Variants in RBFOX1 observed in about 807,000 individuals in gnomAD.
RBFOX1 encodes the protein RNA binding fox-1 homolog 1.
A neutral mutation model predicts 57.7 loss-of-function variants in RBFOX1; 8 were observed. The ratio of observed to expected loss-of-function variants is 0.14; its 90% CI spans 0.08 to 0.25. RBFOX1 has a LOEUF of 0.25. Ranked by LOEUF, RBFOX1 falls within the 10% of genes least tolerant of loss-of-function variation. The pLI is 1.00. For missense variants in RBFOX1, 611 were observed against 548.5 expected, an observed-to-expected ratio of 1.11 and a Z score of -1.14; for synonymous variants, 326 against 222.4, an observed-to-expected ratio of 1.47 and a Z score of -4.15.
At chr16:6,067,326 C>T (rs960981670) in intron 1 of RBFOX1, among the ~76,000 whole-genome samples, 4 of 151,760 alleles carry the variant, frequency 2.6e-5, no homozygotes, top group Admixed American at 6.6e-5. Flanking sequence ...ACATTCTGTG[C>T]CCGATATAGC....
chr16:7,268,692 A>G (rs985390405), intron 4 of RBFOX1, among the ~76,000 whole-genome samples: 1 of 152,258 alleles, frequency 6.6e-6, no homozygotes, highest in East Asian at 1.9e-4. Flanking sequence ...TTTGGAAATT[A>G]GTACTAGAGC....
chr16:6,931,991 A>T (rs2076638004), intron 3 of RBFOX1, among the ~76,000 whole-genome samples: 1 of 151,788 alleles, frequency 6.6e-6, no homozygotes, highest in African/African-American at 2.4e-5. Context: ...TAACTAACCC[A>T]CTCCAGTGAA....
chr16:6,560,319 A>G (rs987855671), intron 2 of RBFOX1, among the ~76,000 whole-genome samples: 7 of 133,088 alleles, frequency 5.3e-5, no homozygotes, highest in East Asian at 2.5e-4. Context: ...AAAACAGAAA[A>G]GGATGAGGAG....
chr16:5,751,708 G>C (rs771851471), intron 3 of RBFOX1, among the ~76,000 whole-genome samples: 18 of 152,282 alleles, frequency 1.2e-4, no homozygotes, highest in South Asian at 6.2e-4. Flanking sequence ...GTTAGCTGTA[G>C]AATATCCACT....
At chr16:7,420,821 T>C (rs2098533887) in intron 4 of RBFOX1, among the ~76,000 whole-genome samples, 1 of 150,360 alleles carries the variant, frequency 6.7e-6, no homozygotes, top group African/African-American at 2.4e-5. Context: ...CTGAGTACTT[T>C]AAAGAATTAT....
At chr16:6,804,143 G>T (rs1416058439) in intron 3 of RBFOX1, among the ~76,000 whole-genome samples, 1 of 152,006 alleles carries the variant, frequency 6.6e-6, no homozygotes, top group Non-Finnish European at 1.5e-5. Context: ...AAGTAGCTGG[G>T]ATTACAGGTG....
intron 5 of RBFOX1, chr16:7,519,711 T>C (rs2077111555): frequency 2.0e-6 from 2 of 985,290 alleles, no homozygotes; most frequent in South Asian, 9.4e-5. Context: ...ATTTTTTGAG[T>C]GTAAGGCAAT....
intron 3 of RBFOX1, among the ~76,000 whole-genome samples, chr16:5,791,868 A>T (rs1403373173): frequency 6.6e-5 from 10 of 152,184 alleles, no homozygotes; most frequent in Non-Finnish European, 2.9e-5. Context: ...GAAAATGGCA[A>T]TTGTCACTGT....
In RBFOX1 at chr16:5,386,983, G is replaced by A. The variant is rs376753085; in HGVS notation, c.220-80233G>A. 7.2e-5 allele frequency among the ~76,000 whole-genome samples: 11 copies of A among 152,286 alleles called. No individual in the cohort carries two copies. The East Asian group carries it at 1.4e-3, about 19-fold the overall frequency. On this transcript the variant is annotated intron_variant, in intron 1 of 2. Transcript: ENST00000585867. ...GTAGAATCTCTTGAACCCAGGAGGCGGAGGTTGCAGTGAGCCGAGATTGTG... is the reference window on the plus strand; with the variant it reads ...GTAGAATCTCTTGAACCCAGGAGGCAGAGGTTGCAGTGAGCCGAGATTGTG...
chr16:6,851,578 G>C (rs553728637), intron 3 of RBFOX1, among the ~76,000 whole-genome samples: 95 of 152,194 alleles, frequency 6.2e-4, no homozygotes, highest in African/African-American at 2.2e-3. Flanking sequence ...CAAATTGTAA[G>C]AGCTTTCCCC....
At chr16:5,398,122 A>G (rs1366406911) in intron 1 of RBFOX1, among the ~76,000 whole-genome samples, 2 of 152,198 alleles carry the variant, frequency 1.3e-5, no homozygotes, top group Non-Finnish European at 2.9e-5. Flanking sequence ...GACCATCAAG[A>G]AAGCCTTTCC....
chr16:6,718,860 T>G (rs1463293470), intron 3 of RBFOX1, among the ~76,000 whole-genome samples: 1 of 152,120 alleles, frequency 6.6e-6, no homozygotes, highest in Non-Finnish European at 1.5e-5. Context: ...TCTTTTTTTT[T>G]GTTGTTGTTG....
intron 3 of RBFOX1, among the ~76,000 whole-genome samples, chr16:6,780,016 T>TC (rs1221137251): frequency 2.0e-4 from 11 of 55,248 alleles, no homozygotes; most frequent in East Asian, 1.2e-3. Flanking sequence ...TTTATATATA[T>TC]TTATATATTT....
intron 3 of RBFOX1, among the ~76,000 whole-genome samples, chr16:6,755,211 T>G (rs550030676): frequency 6.6e-6 from 1 of 152,296 alleles, no homozygotes; most frequent in Admixed American, 6.5e-5. Context: ...GTCCTTTGGG[T>G]GTATACCCAG....
chr16:6,585,913 C>T (rs150792292), intron 2 of RBFOX1, among the ~76,000 whole-genome samples: 21 of 152,156 alleles, frequency 1.4e-4, no homozygotes, highest in Non-Finnish European at 2.2e-4. Flanking sequence ...AGAGATCATA[C>T]GCAATTATTT....
intron 3 of RBFOX1, among the ~76,000 whole-genome samples, chr16:5,750,623 G>A (rs2053162711): frequency 6.6e-6 from 1 of 152,208 alleles, no homozygotes; most frequent in South Asian, 2.1e-4. Flanking sequence ...AGACGGCTGT[G>A]CTAGCAATGA....
chr16:7,439,147 G>C (rs1269090377), intron 4 of RBFOX1, among the ~76,000 whole-genome samples: 2 of 152,176 alleles, frequency 1.3e-5, no homozygotes, highest in African/African-American at 4.8e-5. Flanking sequence ...TTCTGCTTAA[G>C]TCTTCTTTAC....
chr16:6,640,896 C>T (rs550364868), intron 2 of RBFOX1, among the ~76,000 whole-genome samples: 6 of 152,240 alleles, frequency 3.9e-5, no homozygotes, highest in African/African-American at 1.2e-4. Context: ...AACATCAGAA[C>T]AGCACCAGAA....
At chr16:7,684,696 T>C (rs926726306) in intron 14 of RBFOX1, among the ~76,000 whole-genome samples, 3 of 152,106 alleles carry the variant, frequency 2.0e-5, no homozygotes, top group African/African-American at 7.2e-5. Flanking sequence ...TTCAATTTTG[T>C]AATTTAAAAT....
Sources: allele counts gnomAD v4.1 joint callset (sites outside exome capture counted in the v4.1 genomes callset), GRCh38; gene constraint gnomAD v4.1.1; transcripts MANE v1.5; gene names NCBI Gene and HGNC (gene_info 2026-07-23, HGNC 2026-07-21).